SMPD3: variants seen among roughly 807,000 people sequenced by gnomAD.
SMPD3 encodes nSMase-2.
A neutral mutation model predicts 55.7 loss-of-function variants in SMPD3; 21 were observed. That is an observed-to-expected ratio of 0.38 (90% CI 0.27 to 0.54). SMPD3 has a LOEUF of 0.54. Among genes scored for constraint, SMPD3 ranks in the 20% least tolerant of loss-of-function variants. The pLI is 0.80. For missense variants in SMPD3, 842 were observed against 899.6 expected, an observed-to-expected ratio of 0.94 and a Z score of 0.82; for synonymous variants, 457 against 404.3, an observed-to-expected ratio of 1.13 and a Z score of -1.56.
chr16:68,401,429 T>A (rs1021922901), intron 1 of SMPD3, among the ~76,000 whole-genome samples: 5 of 151,524 alleles, frequency 3.3e-5, no homozygotes, highest in Non-Finnish European at 7.4e-5. Context: ...GCGGTTGGGG[T>A]TGGAAGTGGA....
intron 7 of SMPD3, among the ~76,000 whole-genome samples, chr16:68,362,400 G>C (rs1437515682): frequency 1.3e-5 from 2 of 152,224 alleles, no homozygotes; most frequent in Non-Finnish European, 2.9e-5. Flanking sequence ...GGAGCAGGGG[G>C]ATGTGACATC....
intron 1 of SMPD3, among the ~76,000 whole-genome samples, chr16:68,430,773 G>A (rs1180837043): frequency 1.3e-5 from 2 of 152,172 alleles, no homozygotes; most frequent in Admixed American, 6.5e-5. Flanking sequence ...GGATCCATGC[G>A]TGTGATGGCT....
At chr16:68,390,130 C>G (rs919059250) in intron 1 of SMPD3, among the ~76,000 whole-genome samples, 1 of 152,204 alleles carries the variant, frequency 6.6e-6, no homozygotes, top group African/African-American at 2.4e-5. Flanking sequence ...CCAAGGGTGA[C>G]TTCTGGAACA....
chr16:68,373,636 CATCAGTCCCT>C (rs1476394920), intron 2 of SMPD3, among the ~76,000 whole-genome samples: 1 of 152,174 alleles, frequency 6.6e-6, no homozygotes, highest in African/African-American at 2.4e-5. Flanking sequence ...CCTCAGTCCC[CATCAGTCCCT>C]GCCACTCCTG....
chr16:68,425,220 G>T (rs1167853688), intron 1 of SMPD3, among the ~76,000 whole-genome samples: 6 of 152,216 alleles, frequency 3.9e-5, no homozygotes. Flanking sequence ...ACCTTTGGTT[G>T]TCAATTCTCT....
chr16:68,391,590 C>G (rs12927428), intron 1 of SMPD3, among the ~76,000 whole-genome samples: 85,897 of 151,978 alleles, frequency 0.57, 24,827 homozygotes, highest in East Asian at 0.79. Flanking sequence ...GATCAGTTAT[C>G]CATTTGGAAA....
intron 1 of SMPD3, among the ~76,000 whole-genome samples, chr16:68,427,529 T>G (rs2152027818): frequency 6.6e-6 from 1 of 152,358 alleles, no homozygotes; most frequent in East Asian, 1.9e-4. Flanking sequence ...TAGCCACACA[T>G]GGTTATCAGG....
intron 1 of SMPD3, among the ~76,000 whole-genome samples, chr16:68,414,088 C>T (rs2090321712): frequency 1.3e-5 from 2 of 152,212 alleles, no homozygotes; most frequent in South Asian, 2.1e-4. Flanking sequence ...ACCTCAGCCA[C>T]CCAACTCTGT....
chr16:68,415,831 G>A lies in SMPD3; in HGVS notation c.-268-29172C>T, dbSNP rs545992446. Among the ~76,000 whole-genome samples, 8 of 142,302 alleles carry A rather than the reference G, an allele frequency of 5.6e-5. No homozygotes were observed. The South Asian group carries it at 1.8e-3, about 31-fold the overall frequency. 93.4% of individuals were successfully genotyped at this position (142,302 alleles called of 152,430 possible). On this transcript the variant is annotated intron_variant, in intron 1 of 8. Transcript: ENST00000219334. ...TTTTTTTTTTTTTTTTAGGTTACAA[G>A]AGACTTGTCCTAGACCCTTAGGTAT...
chr16:68,367,534 C>T (rs1455962927), intron 3 of SMPD3: 2 of 152,318 alleles, frequency 1.3e-5, no homozygotes, highest in African/African-American at 4.8e-5. Context: ...GCGTCAGCCT[C>T]TCACTCATCC....
Position 68,371,580 on chromosome 16 carries a change from G to T in SMPD3, c.602C>A (p.Pro201His). 6.3e-7 allele frequency: 1 copy of T among 1,580,308 alleles called. No individual in the cohort carries two copies. Among genetic ancestry groups the T allele is most frequent in the Non-Finnish European group, 8.6e-7 (1 of 1,164,232 alleles). The change falls in exon 3 of 9, where the codon CCC (proline) becomes CAC (histidine). Residue 201 changes from proline (P) to histidine (H), a missense_variant. Physicochemically the swap from Pro to His is moderately conservative, Grantham distance 77. Around this residue, in one of 2 missense-constraint regions of SMPD3, gnomAD observed 649 missense variants for 643.6 expected, o/e 1.01. Transcript: ENST00000219334. ...QGGDGVARAV[P>H]GSIKRTASVE... ...AGAGGCTGTCCTCTTAATGCTCCCG[G>T]GGACGGCCCGGGCCACCCCATCGCC... is the stretch of plus-strand genomic sequence containing the variant.
chr16:68,363,082 G>A (rs1433819260), intron 7 of SMPD3, among the ~76,000 whole-genome samples: 1 of 152,298 alleles, frequency 6.6e-6, no homozygotes, highest in East Asian at 1.9e-4. Context: ...TGCAGCTGGT[G>A]TCTGTATTTG....
intron 1 of SMPD3, among the ~76,000 whole-genome samples, chr16:68,395,764 A>G (rs2090150958): frequency 6.6e-6 from 1 of 152,238 alleles, no homozygotes; most frequent in Non-Finnish European, 1.5e-5. Context: ...ATGAGAGACT[A>G]TGTGTATAGG....
chr16:68,385,718 G>T (rs2090043151), intron 2 of SMPD3, among the ~76,000 whole-genome samples: 1 of 152,114 alleles, frequency 6.6e-6, no homozygotes, highest in Non-Finnish European at 1.5e-5. Flanking sequence ...GACTGTCAGG[G>T]GTCACTAGTT....
At chr16:68,417,755 T>C (rs2090350485) in intron 1 of SMPD3, among the ~76,000 whole-genome samples, 1 of 152,224 alleles carries the variant, frequency 6.6e-6, no homozygotes, top group Non-Finnish European at 1.5e-5. Context: ...TTGTGTCGTT[T>C]TGCTATATCA....
At chr16:68,434,939 C>T (rs896183156) in intron 1 of SMPD3, among the ~76,000 whole-genome samples, 1 of 152,142 alleles carries the variant, frequency 6.6e-6, no homozygotes, top group Admixed American at 6.5e-5. Context: ...GTCCTGCATG[C>T]CTGGAGCAGG....
In SMPD3 at chr16:68,363,097, A is replaced by G. The variant is rs530784463; in HGVS notation, c.1709+399T>C. Among the ~76,000 whole-genome samples, 6 of 152,186 alleles carry G rather than the reference A, an allele frequency of 3.9e-5. No individual in the cohort carries two copies. In the South Asian group the frequency reaches 1.2e-3, roughly 32 times the overall value. On this transcript the variant is annotated intron_variant, in intron 7 of 8. Transcript: ENST00000219334. ...TGCAGCTGGTGTCTGTATTTGCCTG[A>G]TTGGTGCTGCAAGCTGCCAGGCTGC... is the stretch of plus-strand genomic sequence containing the variant.
At chr16:68,380,237 T>C (rs923420993) in intron 2 of SMPD3, among the ~76,000 whole-genome samples, 2 of 152,256 alleles carry the variant, frequency 1.3e-5, no homozygotes, top group Admixed American at 6.5e-5. Context: ...ACCAGACTTA[T>C]CTGCCAGAGT....
intron 1 of SMPD3, among the ~76,000 whole-genome samples, chr16:68,444,870 A>G (rs2090598383): frequency 6.6e-6 from 1 of 152,250 alleles, no homozygotes; most frequent in Non-Finnish European, 1.5e-5. Flanking sequence ...ATTAAGTCCT[A>G]TTTTTACTTT....
Sources: allele counts gnomAD v4.1 joint callset (sites outside exome capture counted in the v4.1 genomes callset), GRCh38; gene constraint gnomAD v4.1.1; regional missense constraint gnomAD v4.1.1; transcripts MANE v1.5; gene names NCBI Gene and HGNC (gene_info 2026-07-23, HGNC 2026-07-21).